Variants in SGCD observed in about 807,000 individuals in gnomAD.
The protein encoded by SGCD is delta-sarcoglycan.
A neutral mutation model predicts 36.6 loss-of-function variants in SGCD; 18 were observed. The observed-to-expected ratio is 0.49, with a 90% CI of 0.34 to 0.73. The LOEUF is 0.73. Ranked by LOEUF, SGCD falls within the 30% of genes least tolerant of loss-of-function variation. The pLI, the probability that SGCD is intolerant of heterozygous loss-of-function variation, is 0.01. For synonymous variants in SGCD, 133 were observed against 130.6 expected (o/e 1.02, Z -0.12); for missense variants, 387 against 346.7 (o/e 1.12, Z -0.92).
intron 3 of SGCD, among the ~76,000 whole-genome samples, chr5:156,445,945 T>C (rs779125498): frequency 6.6e-6 from 1 of 152,186 alleles, no homozygotes; most frequent in Non-Finnish European, 1.5e-5. Flanking sequence ...TAACCTGTAC[T>C]GTGCTAGTTG....
chr5:155,898,216 T>A (rs1209538903), intron 1 of SGCD, among the ~76,000 whole-genome samples: 3 of 152,210 alleles, frequency 2.0e-5, no homozygotes, highest in Non-Finnish European at 2.9e-5. Context: ...GAATATCAGA[T>A]GACTTTGGAA....
At chr5:155,877,892 A>G (rs1755798608) in intron 1 of SGCD, among the ~76,000 whole-genome samples, 1 of 152,114 alleles carries the variant, frequency 6.6e-6, no homozygotes, top group African/African-American at 2.4e-5. Context: ...CAGAAATTAC[A>G]TGTTAAGGTC....
chr5:156,652,385 A>G (rs1434882747), intron 7 of SGCD, among the ~76,000 whole-genome samples: 1 of 152,034 alleles, frequency 6.6e-6, no homozygotes, highest in African/African-American at 2.4e-5. Flanking sequence ...GCTGCTTGGG[A>G]TGCTAAGGCA....
chr5:156,572,890 G>A (rs757362820), intron 4 of SGCD, among the ~76,000 whole-genome samples: 4 of 151,996 alleles, frequency 2.6e-5, no homozygotes, highest in African/African-American at 9.7e-5. Flanking sequence ...GATTAGTGAC[G>A]ACTACAAAAT....
chr5:155,730,696 G>A, the SGCD span, among the ~76,000 whole-genome samples: 1 of 152,112 alleles, frequency 6.6e-6, no homozygotes, highest in Non-Finnish European at 1.5e-5. Context: ...ACAAAGTGAT[G>A]GACACTCCAA....
chr5:156,764,688 G>C lies in SGCD; in HGVS notation c.*5298G>C, dbSNP rs1477975866. ...TCCTTTTGTAGATATTGACAGAATA[G>C]GAGGAAATGAGCATCCTTATTTGAG... is the stretch of plus-strand genomic sequence containing the variant. On this transcript the variant is annotated 3_prime_UTR_variant, in exon 9 of 9. Transcript: ENST00000337851. The C allele has an allele frequency of 6.6e-6, 1 of 152,212 alleles. No individual in the cohort carries two copies. The highest frequency in any genetic ancestry group is 1.9e-4 in the East Asian group (1 of 5,194). 9.4% of individuals were successfully genotyped at this position (152,212 alleles called of 1,614,324 possible).
chr5:156,103,095 A>G (rs1761559868), intron 1 of SGCD, among the ~76,000 whole-genome samples: 1 of 152,208 alleles, frequency 6.6e-6, no homozygotes, highest in Admixed American at 6.5e-5. Flanking sequence ...AGTATACAAG[A>G]TTCATTAATT....
chr5:156,217,155 A>G (rs1764597992), intron 3 of SGCD, among the ~76,000 whole-genome samples: 1 of 152,202 alleles, frequency 6.6e-6, no homozygotes, highest in Admixed American at 6.5e-5. Context: ...TCTTAGACCA[A>G]AAAGTATTAA....
the SGCD span, among the ~76,000 whole-genome samples, chr5:155,793,113 T>A: frequency 3.7e-3 from 559 of 152,290 alleles, 5 homozygotes; most frequent in African/African-American, 0.013. Context: ...ACAACAGGAA[T>A]GCAGCTGGAG....
intron 1 of SGCD, among the ~76,000 whole-genome samples, chr5:155,982,958 G>A (rs2127562572): frequency 6.6e-6 from 1 of 151,998 alleles, no homozygotes; most frequent in East Asian, 1.9e-4. Flanking sequence ...AAATAGCTAG[G>A]GATTTTCTAT....
At chr5:156,265,871 C>A (rs368841842) in intron 3 of SGCD, among the ~76,000 whole-genome samples, 1 of 152,016 alleles carries the variant, frequency 6.6e-6, no homozygotes, top group Non-Finnish European at 1.5e-5. Flanking sequence ...TAATTGCTTG[C>A]GATTTTCTCA....
intron 3 of SGCD, among the ~76,000 whole-genome samples, chr5:156,239,633 G>C (rs1765259352): frequency 6.6e-6 from 1 of 152,034 alleles, no homozygotes; most frequent in African/African-American, 2.4e-5. Context: ...AAACACTTAG[G>C]GAATGAAGGC....
intron 4 of SGCD, among the ~76,000 whole-genome samples, chr5:156,515,541 G>T (rs527842567): frequency 6.6e-6 from 1 of 152,322 alleles, no homozygotes; most frequent in Admixed American, 6.5e-5. Context: ...CCACCTGGGA[G>T]CAGCACAGGC....
intron 3 of SGCD, among the ~76,000 whole-genome samples, chr5:156,218,488 T>A (rs150354204): frequency 8.5e-4 from 129 of 152,280 alleles, no homozygotes; most frequent in Middle Eastern, 6.8e-3. Flanking sequence ...GAGGCTGAAA[T>A]TGAACCTTAT....
intron 4 of SGCD, among the ~76,000 whole-genome samples, chr5:156,545,771 G>A (rs1435965056): frequency 4.6e-5 from 7 of 152,146 alleles, no homozygotes; most frequent in Admixed American, 3.3e-4. Flanking sequence ...TGGGAACCAC[G>A]GGTGCCCAGC....
At chr5:156,261,653 G>A (rs56874129) in intron 3 of SGCD, among the ~76,000 whole-genome samples, 9,896 of 152,138 alleles carry the variant, frequency 0.065, 1,008 homozygotes, top group African/African-American at 0.22. Context: ...CTGTAAAATA[G>A]CCTCAGGCAT....
At chr5:156,048,993 A>C (rs546715019) in intron 1 of SGCD, among the ~76,000 whole-genome samples, 32 of 147,466 alleles carry the variant, frequency 2.2e-4, no homozygotes, top group African/African-American at 6.3e-4. Flanking sequence ...TCTTGAATTA[A>C]TTTTTGTATA....
chr5:156,637,089 G>A (rs1257356107), intron 6 of SGCD, among the ~76,000 whole-genome samples: 1 of 152,064 alleles, frequency 6.6e-6, no homozygotes. Flanking sequence ...TGAATCATGA[G>A]GGCAGTTAAC....
At chr5:156,623,990 A>G (rs1245132757) in intron 6 of SGCD, among the ~76,000 whole-genome samples, 6 of 152,210 alleles carry the variant, frequency 3.9e-5, no homozygotes, top group Non-Finnish European at 7.3e-5. Context: ...ATTGTGATCA[A>G]AGATTGCTGG....
Sources: gnomAD v4.1 joint callset for allele counts (sites outside exome capture counted in the v4.1 genomes callset) on GRCh38, gnomAD v4.1.1 for gene constraint, MANE v1.5 for transcripts, NCBI Gene and HGNC (gene_info 2026-07-23, HGNC 2026-07-21) for gene names.